Variants in NINL observed in about 807,000 individuals in gnomAD.
NINL encodes the protein ninein like.
Under a neutral mutation model 160.3 loss-of-function variants are expected in NINL, and 153 were observed. That is an observed-to-expected ratio of 0.95 (90% CI 0.84 to 1.09). NINL has a LOEUF of 1.09. Ranked by LOEUF, NINL falls within the 50% of genes least tolerant of loss-of-function variation. The pLI is 0.00. For synonymous variants in NINL, 800 were observed against 734.8 expected (o/e 1.09, Z -1.43); for missense variants, 1,829 against 1,764.0 (o/e 1.04, Z -0.66).
At position 25,501,022 on chromosome 20, in the gene NINL, G is replaced by A. The variant is rs761799614; in HGVS notation, c.862-12C>T. On this transcript the variant is annotated splice_polypyrimidine_tract_variant and intron_variant, in intron 7 of 23. Transcript: ENST00000278886. ...CTCTCCTCTGGGACCTGCATGTCAGGAAGACTTCCATAGCGCCCAGCGTCC... is the reference window on the plus strand; with the variant it reads ...CTCTCCTCTGGGACCTGCATGTCAGAAAGACTTCCATAGCGCCCAGCGTCC... 6.2e-7 allele frequency: 1 copy of A among 1,613,098 alleles called. No homozygotes were observed. Among genetic ancestry groups the A allele is most frequent in the Non-Finnish European group, 8.5e-7 (1 of 1,179,556 alleles).
chr20:25,475,081 G>C (rs963753386), intron 17 of NINL, among the ~76,000 whole-genome samples: 1 of 151,538 alleles, frequency 6.6e-6, no homozygotes, highest in African/African-American at 2.4e-5. Context: ...CCGTGCCCTA[G>C]TTGTTACGAG....
intron 12 of NINL, 142 bp downstream of exon 12, chr20:25,489,733 T>C (rs1460975259): frequency 7.4e-6 from 5 of 677,464 alleles, no homozygotes; most frequent in Non-Finnish European, 1.3e-5. Flanking sequence ...GAAGGCCTCA[T>C]GCTGACTTTC....
At chr20:25,537,034 T>C (rs777544962) in intron 1 of NINL, among the ~76,000 whole-genome samples, 1 of 152,172 alleles carries the variant, frequency 6.6e-6, no homozygotes, top group Non-Finnish European at 1.5e-5. Context: ...GATGGGGAGA[T>C]GAAGGCAACA....
chr20:25,555,049 G>A (rs1313095836), intron 1 of NINL, among the ~76,000 whole-genome samples: 3 of 152,196 alleles, frequency 2.0e-5, no homozygotes, highest in Non-Finnish European at 4.4e-5. Context: ...AACCTGAGTC[G>A]AGATCACAGG....
chr20:25,504,244 G>A, intron 6 of NINL, 140 bp from the exon 7 acceptor site: 1 of 850,106 alleles, frequency 1.2e-6, no homozygotes, highest in Non-Finnish European at 1.8e-6. Context: ...CCTTAAAACT[G>A]TGTAGACCAT....
chr20:25,470,819 A>T lies in NINL; in HGVS notation c.3249-724T>A, dbSNP rs528942203. Among the ~76,000 whole-genome samples, 7 of 152,220 alleles carry T rather than the reference A, an allele frequency of 4.6e-5. No individual in the cohort carries two copies. In the South Asian group the frequency reaches 1.5e-3, roughly 32 times the overall value. On this transcript the variant is annotated intron_variant, in intron 17 of 23. Coordinates refer to ENST00000278886, the MANE Select transcript of NINL (RefSeq NM_025176.6). Reference sequence around the variant, plus strand: ...AGACCCTCCTGGGCAACATAGTGAGACCTTGTCTGTGAAAAAACAAAAAAG... The same window carrying T: ...AGACCCTCCTGGGCAACATAGTGAGTCCTTGTCTGTGAAAAAACAAAAAAG...
chr20:25,482,828 A>T (rs1194960768), intron 13 of NINL, among the ~76,000 whole-genome samples: 1 of 150,906 alleles, frequency 6.6e-6, no homozygotes, highest in Non-Finnish European at 1.5e-5. Context: ...GTTTGAGACC[A>T]GCCTGGTCAA....
At chr20:25,545,477 C>T (rs6050672) in intron 1 of NINL, among the ~76,000 whole-genome samples, 1,662 of 135,608 alleles carry the variant, frequency 0.012, 13 homozygotes, top group African/African-American at 0.032. Context: ...AATTCTGAGC[C>T]CCCCCCCATT....
intron 19 of NINL, among the ~76,000 whole-genome samples, chr20:25,464,925 A>G (rs754672293): frequency 1.1e-4 from 16 of 152,128 alleles, no homozygotes; most frequent in Non-Finnish European, 2.2e-4. Flanking sequence ...CTGTGCAGGG[A>G]GCTGCATCAG....
chr20:25,550,853 TATCTC>T (rs2064800162), intron 1 of NINL, among the ~76,000 whole-genome samples: 2 of 152,320 alleles, frequency 1.3e-5, no homozygotes, highest in South Asian at 4.1e-4. Context: ...GCCTTCCTCT[TATCTC>T]AACTGCAGAG....
intron 1 of NINL, among the ~76,000 whole-genome samples, chr20:25,544,913 T>C (rs1007197451): frequency 6.6e-6 from 1 of 152,266 alleles, no homozygotes; most frequent in Admixed American, 6.5e-5. Flanking sequence ...AAGCTGCATT[T>C]GTTAAAACAG....
intron 1 of NINL, among the ~76,000 whole-genome samples, chr20:25,538,178 G>T (rs1181737201): frequency 6.6e-6 from 1 of 152,202 alleles, no homozygotes; most frequent in Non-Finnish European, 1.5e-5. Flanking sequence ...CGTGGCCTGT[G>T]CACCTCAGGC....
rs533273923 is a variant in NINL at position 25,579,161 on chromosome 20, C to T, written c.-12+6294G>A. 2.0e-5 allele frequency among the ~76,000 whole-genome samples: 3 copies of T among 152,096 alleles called. No individual in the cohort carries two copies. The South Asian group carries it at 6.2e-4, about 32-fold the overall frequency. Reference sequence around the variant, plus strand: ...GGAGGCAGTAAGGGATGTTGGAAACCCCACTGTGTTGGGAGGCACAGCAGG... The same window carrying T: ...GGAGGCAGTAAGGGATGTTGGAAACTCCACTGTGTTGGGAGGCACAGCAGG... On this transcript the variant is annotated intron_variant, in intron 1 of 23. Transcript: ENST00000278886.
intron 1 of NINL, among the ~76,000 whole-genome samples, chr20:25,531,621 A>G (rs541353336): frequency 2.0e-5 from 3 of 152,318 alleles, no homozygotes; most frequent in Admixed American, 2.0e-4. Flanking sequence ...TTCCCGCAAC[A>G]GGGGAGAAGA....
At chr20:25,493,402 G>A (rs966020645) in intron 10 of NINL, among the ~76,000 whole-genome samples, 1 of 152,162 alleles carries the variant, frequency 6.6e-6, no homozygotes, top group Non-Finnish European at 1.5e-5. Context: ...TACTCAGGAT[G>A]AAAGTGAGAG....
In NINL at chr20:25,504,046, T is replaced by C; in HGVS notation, c.767A>G (p.Glu256Gly). The C allele has an allele frequency of 6.2e-7, 1 of 1,610,056 alleles. No individual in the cohort carries two copies. Among genetic ancestry groups the C allele is most frequent in the African/African-American group, 1.3e-5 (1 of 74,794 alleles). The stretch of plus-strand genomic sequence containing the variant: ...ACTGAAGAGGCCAAGCTGGAATTCC[T>C]CAAGACTCACTTTGCCGTCTCCGTC... ...DQDGDGKVSL[E>G]EFQLGLFSHE... The change falls in exon 7 of 24, where the codon GAG becomes GGG. Residue 256 changes from glutamate (E) to glycine (G), a missense_variant. Coordinates refer to ENST00000278886, the MANE Select transcript of NINL (RefSeq NM_025176.6).
chr20:25,546,297 C>T (rs926599988), intron 1 of NINL, among the ~76,000 whole-genome samples: 5 of 152,084 alleles, frequency 3.3e-5, no homozygotes, highest in Non-Finnish European at 5.9e-5. Flanking sequence ...TGGATTCTGA[C>T]TGAACAGTTT....
chr20:25,501,055 C>T (rs1484355910), intron 7 of NINL, 45 bp from the exon 8 acceptor site: 1 of 1,588,068 alleles, frequency 6.3e-7, no homozygotes, highest in South Asian at 1.2e-5. Context: ...TCCAAAGCCT[C>T]ACGCCTGTGT....
chr20:25,503,969 C>T lies in NINL; in HGVS notation c.844G>A (p.Ala282Thr). 1 of 1,614,134 alleles carries T rather than the reference C, an allele frequency of 6.2e-7. No homozygotes were observed. Among genetic ancestry groups the T allele is most frequent in the African/African-American group, 1.3e-5 (1 of 75,038 alleles). Residue 282 changes from alanine (A) to threonine (T), a missense_variant, in exon 7 of 24, where the codon GCT becomes ACT. By Grantham distance (58) the Ala-to-Thr change is moderately conservative (BLOSUM62 0). Transcript: ENST00000278886. ...CATTTTACCTGGTAATGAGACCAAG[C>T]CTTGCTCGGTTTAACCCGAGTGGAA... ...ESSTRVKPSKAWSHYQVPEES... is the reference protein window; with the variant it reads ...ESSTRVKPSKTWSHYQVPEES...
Sources: allele counts gnomAD v4.1 joint callset (sites outside exome capture counted in the v4.1 genomes callset), GRCh38; gene constraint gnomAD v4.1.1; transcripts MANE v1.5; gene names NCBI Gene and HGNC (gene_info 2026-07-23, HGNC 2026-07-21).